Variants in DDX10 observed in about 807,000 individuals in gnomAD.
DDX10 encodes DEAD-box helicase 10, also known as probable ATP-dependent RNA helicase DDX10.
A neutral mutation model predicts 104.3 loss-of-function variants in DDX10; 74 were observed. The ratio of observed to expected loss-of-function variants is 0.71; its 90% CI spans 0.59 to 0.86. The LOEUF is 0.86. Ranked by LOEUF, DDX10 falls within the 40% of genes least tolerant of loss-of-function variation. The probability of loss-of-function intolerance (pLI) is 0.00; values close to 1 mark genes in which losing one functional copy is unlikely to be tolerated. For missense variants in DDX10, 952 were observed against 1,040.0 expected (o/e 0.92, Z 1.16); for synonymous variants, 351 against 353.4 (o/e 0.99, Z 0.08).
At chr11:108,775,733 A>G (rs1044131646) in intron 13 of DDX10, among the ~76,000 whole-genome samples, 6 of 152,282 alleles carry the variant, frequency 3.9e-5, no homozygotes, top group South Asian at 4.1e-4. Flanking sequence ...TTTTAGTACA[A>G]TAAGTTAAAT....
At chr11:108,678,458 T>G in intron 5 of DDX10, 23 bp downstream of exon 5, 1 of 1,552,724 alleles carries the variant, frequency 6.4e-7, no homozygotes. Context: ...AATTTCTAAT[T>G]TAAAAAAAAA....
At chr11:108,905,407 C>A (rs891530308) in intron 16 of DDX10, among the ~76,000 whole-genome samples, 29 of 149,786 alleles carry the variant, frequency 1.9e-4, no homozygotes, top group African/African-American at 6.6e-4. Context: ...TCTACTAACT[C>A]ACTGTGAACA....
At chr11:108,848,914 A>G (rs941370832) in intron 15 of DDX10, among the ~76,000 whole-genome samples, 4 of 152,160 alleles carry the variant, frequency 2.6e-5, no homozygotes, top group African/African-American at 9.7e-5. Flanking sequence ...TGCCCATTAT[A>G]TGTATGCAGA....
chr11:108,699,050 T>C (rs977261730), intron 9 of DDX10, among the ~76,000 whole-genome samples: 1 of 152,142 alleles, frequency 6.6e-6, no homozygotes, highest in Non-Finnish European at 1.5e-5. Context: ...TATACTGGAG[T>C]ATTTACTTAG....
chr11:108,671,629 A>G (rs190790868), intron 1 of DDX10, among the ~76,000 whole-genome samples: 47 of 152,344 alleles, frequency 3.1e-4, no homozygotes, highest in Admixed American at 1.0e-3. Context: ...CAACAACTAC[A>G]TAGACAATAA....
chr11:108,876,207 G>C (rs1432789764), intron 16 of DDX10, among the ~76,000 whole-genome samples: 4 of 152,112 alleles, frequency 2.6e-5, no homozygotes, highest in Non-Finnish European at 5.9e-5. Flanking sequence ...TGATTTTTGT[G>C]ATTTGACTCT....
chr11:108,714,393 T>C (rs970163), intron 10 of DDX10, among the ~76,000 whole-genome samples: 145,973 of 152,258 alleles, frequency 0.96, 70,272 homozygotes, highest in East Asian at 1. Context: ...TGTCCTGTGT[T>C]GTCCATCTTT....
chr11:108,784,545 G>C (rs1861760990), intron 13 of DDX10, among the ~76,000 whole-genome samples: 1 of 151,934 alleles, frequency 6.6e-6, no homozygotes, highest in Admixed American at 6.6e-5. Context: ...TATATTGTTT[G>C]TTTTTTGCTT....
chr11:108,670,520 G>GC (rs1236703845), intron 1 of DDX10, among the ~76,000 whole-genome samples: 1 of 152,214 alleles, frequency 6.6e-6, no homozygotes, highest in African/African-American at 2.4e-5. Context: ...ACTAGGAGCA[G>GC]CCCGGGGGAA....
In DDX10 at chr11:108,735,089, G is replaced by T. The variant is rs1210914610; in HGVS notation, c.1965+11627G>T. 3.9e-5 allele frequency among the ~76,000 whole-genome samples: 6 copies of T among 152,226 alleles called. No homozygotes were observed. The East Asian group carries it at 5.8e-4, about 15-fold the overall frequency. ...CCAAGCAAATTTTTGTTTTGACTTT[G>T]TTCTTTTCAATGCATATTTTGAAAC... On this transcript the variant is annotated intron_variant, in intron 13 of 17. Transcript: ENST00000322536.
chr11:108,908,637 A>C (rs190797740), intron 16 of DDX10, among the ~76,000 whole-genome samples: 2 of 152,340 alleles, frequency 1.3e-5, no homozygotes, highest in African/African-American at 4.8e-5. Flanking sequence ...ACAAATTAGG[A>C]AATTTGTTTT....
intron 13 of DDX10, among the ~76,000 whole-genome samples, chr11:108,766,748 A>T (rs1345351825): frequency 3.9e-5 from 6 of 152,162 alleles, no homozygotes; most frequent in Non-Finnish European, 7.3e-5. Flanking sequence ...TCATCACAGT[A>T]TTTCCTGCAC....
chr11:108,770,724 C>T (rs189172200), intron 13 of DDX10, among the ~76,000 whole-genome samples: 16 of 152,002 alleles, frequency 1.1e-4, no homozygotes, highest in Admixed American at 1.0e-3. Flanking sequence ...TTCACTAGTA[C>T]TCCATTGTGC....
At chr11:108,920,886 A>G (rs1863816822) in intron 17 of DDX10, 2 of 152,280 alleles carry the variant, frequency 1.3e-5, no homozygotes, top group Non-Finnish European at 2.9e-5. Flanking sequence ...GTCTTCAGAC[A>G]TGGCAGGTAT....
In DDX10 at chr11:108,685,601, T is replaced by A. The variant is rs2094242798; in HGVS notation, c.849-3335T>A. Among the ~76,000 whole-genome samples the A allele has an allele frequency of 1.3e-5, 2 of 152,186 alleles. 1 individual carries two copies. The highest frequency in any genetic ancestry group is 4.1e-4 in the South Asian group (2 of 4,830). On this transcript the variant is annotated intron_variant, in intron 6 of 17. Coordinates refer to ENST00000322536, the MANE Select transcript of DDX10 (RefSeq NM_004398.4). ...ATAAAATCCTTCTAGCAGGATCTGG[T>A]ATATAAAGACCATAGTCTAAGTGCT...
At chr11:108,826,481 T>G (rs1862397075) in intron 13 of DDX10, among the ~76,000 whole-genome samples, 1 of 152,210 alleles carries the variant, frequency 6.6e-6, no homozygotes, top group Non-Finnish European at 1.5e-5. Flanking sequence ...TAGTTTTATA[T>G]TTTAGCTATG....
At chr11:108,899,548 A>G (rs974414311) in intron 16 of DDX10, among the ~76,000 whole-genome samples, 1 of 152,142 alleles carries the variant, frequency 6.6e-6, no homozygotes, top group Non-Finnish European at 1.5e-5. Flanking sequence ...ATAGAATACA[A>G]GGAAGTGCTT....
At chr11:108,939,354 C>T (rs771926937) in intron 17 of DDX10, among the ~76,000 whole-genome samples, 38 of 152,188 alleles carry the variant, frequency 2.5e-4, no homozygotes, top group Non-Finnish European at 5.0e-4. Context: ...CCTCTCTTAA[C>T]CTCATTGCAG....
chr11:108,832,613 CTG>C (rs1862487792), intron 13 of DDX10, among the ~76,000 whole-genome samples: 1 of 152,212 alleles, frequency 6.6e-6, no homozygotes, highest in Non-Finnish European at 1.5e-5. Context: ...CCGAGGTACT[CTG>C]TTTCACCTAG....
Sources: gnomAD v4.1 joint callset for allele counts (sites outside exome capture counted in the v4.1 genomes callset) on GRCh38, gnomAD v4.1.1 for gene constraint, MANE v1.5 for transcripts, NCBI Gene and HGNC (gene_info 2026-07-23, HGNC 2026-07-21) for gene names.